The following RAPGEF2 variants were observed in gnomAD, a reference collection of about 807,000 sequenced individuals.
RAPGEF2 encodes the protein PDZ domain containing guanine nucleotide exchange factor (GEF) 1.
Under a neutral mutation model 186.7 loss-of-function variants are expected in RAPGEF2, and 54 were observed. The ratio of observed to expected loss-of-function variants is 0.29; its 90% CI spans 0.23 to 0.36. The LOEUF (loss-of-function observed/expected upper bound fraction) is 0.36, where lower values mean the gene tolerates loss of function less well. Among genes scored for constraint, RAPGEF2 ranks in the 10% least tolerant of loss-of-function variants. The pLI is 1.00. For synonymous variants in RAPGEF2, 712 were observed against 705.9 expected (o/e 1.01, Z -0.14); for missense variants, 1,532 against 2,045.0 (o/e 0.75, Z 4.84).
chr4:159,149,561 G>A (rs1156512768), intron 1 of RAPGEF2, among the ~76,000 whole-genome samples: 2 of 152,102 alleles, frequency 1.3e-5, no homozygotes, highest in African/African-American at 4.8e-5. Context: ...CTGGCCTAAA[G>A]TTTTAGTTTT....
chr4:159,282,868 G>A (rs890918278), intron 7 of RAPGEF2, among the ~76,000 whole-genome samples: 34 of 152,206 alleles, frequency 2.2e-4, no homozygotes, highest in Admixed American at 7.8e-4. Flanking sequence ...TAAATGCTGC[G>A]TTCTTTTAAG....
chr4:159,207,593 C>T (rs1246197097), intron 3 of RAPGEF2, among the ~76,000 whole-genome samples: 6 of 152,166 alleles, frequency 3.9e-5, no homozygotes, highest in African/African-American at 7.2e-5. Context: ...TTAATGATCA[C>T]GAACTGTTCA....
At chr4:159,355,740 A>AT (rs1424617896) in intron 28 of RAPGEF2, 113 bp from the exon 29 acceptor site, 1 of 1,034,992 alleles carries the variant, frequency 9.7e-7, no homozygotes, top group African/African-American at 1.6e-5. Context: ...TACCATGCAA[A>AT]TGCACATCTG....
intron 7 of RAPGEF2, among the ~76,000 whole-genome samples, chr4:159,283,417 T>C (rs1423077513): frequency 1.3e-5 from 2 of 152,210 alleles, no homozygotes; most frequent in East Asian, 1.9e-4. Flanking sequence ...ATCTGCATGG[T>C]GTGAAGCATC....
chr4:159,323,682 G>A (rs1765538051), intron 11 of RAPGEF2, 65 bp downstream of exon 11: 5 of 980,802 alleles, frequency 5.1e-6, no homozygotes, highest in Non-Finnish European at 6.7e-6. Context: ...ATGCCATTGT[G>A]ATGAGATTTT....
intron 3 of RAPGEF2, among the ~76,000 whole-genome samples, chr4:159,203,583 G>GA (rs1749670905): frequency 6.6e-6 from 1 of 152,160 alleles, no homozygotes; most frequent in Non-Finnish European, 1.5e-5. Flanking sequence ...ATTTACAAGA[G>GA]AAAATATACT....
chr4:159,207,353 TTTC>T (rs1427447913), intron 3 of RAPGEF2, among the ~76,000 whole-genome samples: 2 of 152,240 alleles, frequency 1.3e-5, no homozygotes, highest in African/African-American at 4.8e-5. Context: ...ACTGGTTGCC[TTTC>T]ACTTCAAGTG....
intron 4 of RAPGEF2, among the ~76,000 whole-genome samples, chr4:159,234,666 T>C (rs942834975): frequency 6.6e-6 from 1 of 151,592 alleles, no homozygotes; most frequent in African/African-American, 2.4e-5. Context: ...TGCCGTTTAT[T>C]GGCCAGTCTG....
chr4:159,207,155 T>C (rs749116763), intron 3 of RAPGEF2, among the ~76,000 whole-genome samples: 1 of 152,212 alleles, frequency 6.6e-6, no homozygotes, highest in Non-Finnish European at 1.5e-5. Flanking sequence ...TTGGGGAATG[T>C]AGAGAAACAG....
chr4:159,315,462 C>T (rs1764460698), intron 9 of RAPGEF2, among the ~76,000 whole-genome samples: 1 of 152,000 alleles, frequency 6.6e-6, no homozygotes, highest in Non-Finnish European at 1.5e-5. Context: ...GGGTCTCTCC[C>T]CATGTGCAGA....
At chr4:159,219,974 C>T (rs1751381194) in intron 4 of RAPGEF2, among the ~76,000 whole-genome samples, 1 of 152,136 alleles carries the variant, frequency 6.6e-6, no homozygotes, top group African/African-American at 2.4e-5. Context: ...GCTATCAAAG[C>T]CAAGAGATAA....
chr4:159,194,986 T>C (rs1161964801), intron 3 of RAPGEF2, among the ~76,000 whole-genome samples: 31 of 152,166 alleles, frequency 2.0e-4, no homozygotes, highest in Admixed American at 2.0e-3. Context: ...ACTGAGGGAA[T>C]GGAGGAGTCA....
intron 7 of RAPGEF2, 37 bp from the exon 8 acceptor site, chr4:159,304,305 C>G (rs369500612): frequency 9.8e-6 from 15 of 1,534,884 alleles, no homozygotes; most frequent in South Asian, 2.4e-5. Context: ...GTTCTTGATT[C>G]AGATTGTAAT....
At chr4:159,289,008 C>T (rs142907671) in intron 7 of RAPGEF2, among the ~76,000 whole-genome samples, 120 of 152,262 alleles carry the variant, frequency 7.9e-4, no homozygotes, top group African/African-American at 2.8e-3. Flanking sequence ...CTATTACATG[C>T]TCTTCTTGTG....
intron 7 of RAPGEF2, among the ~76,000 whole-genome samples, chr4:159,277,027 A>G (rs945876534): frequency 6.6e-6 from 1 of 151,416 alleles, no homozygotes; most frequent in Non-Finnish European, 1.5e-5. Flanking sequence ...GCACCCATTA[A>G]CTCATCATTT....
chr4:159,333,122 G>A (rs1298880961), intron 17 of RAPGEF2, among the ~76,000 whole-genome samples: 1 of 152,038 alleles, frequency 6.6e-6, no homozygotes, highest in Non-Finnish European at 1.5e-5. Flanking sequence ...TGGGATTACA[G>A]ATGCCTGCCA....
At chr4:159,182,483 TCTC>T (rs1398243992) in intron 1 of RAPGEF2, among the ~76,000 whole-genome samples, 1 of 147,594 alleles carries the variant, frequency 6.8e-6, no homozygotes, top group African/African-American at 2.5e-5. Flanking sequence ...GCAACCTCCT[TCTC>T]CTGGGTTCAA....
chr4:159,287,365 A>G (rs1249326316), intron 7 of RAPGEF2, among the ~76,000 whole-genome samples: 1 of 152,138 alleles, frequency 6.6e-6, no homozygotes, highest in Non-Finnish European at 1.5e-5. Flanking sequence ...TTTTGATATA[A>G]GCTTCTTAGG....
chr4:159,293,401 T>C (rs1246388248), intron 7 of RAPGEF2, among the ~76,000 whole-genome samples: 2 of 152,240 alleles, frequency 1.3e-5, no homozygotes, highest in Non-Finnish European at 2.9e-5. Flanking sequence ...ATTTTACTCA[T>C]TGCTGTATTT....
Sources: gnomAD v4.1 joint callset for allele counts (sites outside exome capture counted in the v4.1 genomes callset) on GRCh38, gnomAD v4.1.1 for gene constraint, MANE v1.5 for transcripts, NCBI Gene and HGNC (gene_info 2026-07-23, HGNC 2026-07-21) for gene names.